Variants in WDR25 observed in about 807,000 individuals in gnomAD.
The protein encoded by WDR25 is WD repeat domain 25.
Under a neutral mutation model 47.7 loss-of-function variants are expected in WDR25, and 35 were observed. The observed-to-expected ratio is 0.73, with a 90% CI of 0.56 to 0.97. The LOEUF is 0.97. Ranked by LOEUF, WDR25 falls within the 50% of genes least tolerant of loss-of-function variation. WDR25 has a pLI of 0.00. For synonymous variants in WDR25, 248 were observed against 278.9 expected (o/e 0.89, Z 1.10); for missense variants, 634 against 704.7 (o/e 0.90, Z 1.14).
At chr14:100,519,938 A>AG (rs1233722352) in intron 4 of WDR25, among the ~76,000 whole-genome samples, 1 of 144,344 alleles carries the variant, frequency 6.9e-6, no homozygotes, top group Non-Finnish European at 1.5e-5. Flanking sequence ...TATATACACT[A>AG]TAGTATAAAT....
chr14:100,459,987 C>A (rs1899350179), intron 2 of WDR25, among the ~76,000 whole-genome samples: 1 of 138,426 alleles, frequency 7.2e-6, no homozygotes, highest in Non-Finnish European at 1.6e-5. Context: ...TCTAGAATAG[C>A]AAAGAAGGGG....
chr14:100,433,132 T>C (rs1033597388), intron 2 of WDR25, among the ~76,000 whole-genome samples: 3 of 152,276 alleles, frequency 2.0e-5, no homozygotes, highest in African/African-American at 7.2e-5. Flanking sequence ...ATTGATATTT[T>C]GTCAACTGTC....
chr14:100,442,336 G>A (rs1328757855), intron 2 of WDR25, among the ~76,000 whole-genome samples: 1 of 152,240 alleles, frequency 6.6e-6, no homozygotes, highest in African/African-American at 2.4e-5. Context: ...GTAGATGGTG[G>A]TGTACCAGAG....
intron 2 of WDR25, among the ~76,000 whole-genome samples, chr14:100,431,573 G>C (rs531119691): frequency 6.6e-6 from 1 of 150,834 alleles, no homozygotes; most frequent in Non-Finnish European, 1.5e-5. Flanking sequence ...TTGAGACAGA[G>C]TCTTGCTCTG....
intron 2 of WDR25, among the ~76,000 whole-genome samples, chr14:100,400,726 T>C (rs1285179189): frequency 1.3e-5 from 2 of 152,250 alleles, no homozygotes; most frequent in African/African-American, 4.8e-5. Context: ...GGGGTCTTTT[T>C]GTTTTCATAA....
chr14:100,405,254 C>T (rs1411203675), intron 2 of WDR25, among the ~76,000 whole-genome samples: 2 of 151,988 alleles, frequency 1.3e-5, no homozygotes, highest in African/African-American at 4.8e-5. Context: ...CTCTGCCTCC[C>T]GGGTTCAAAG....
At chr14:100,460,636 A>T (rs1214601905) in intron 2 of WDR25, among the ~76,000 whole-genome samples, 2 of 152,156 alleles carry the variant, frequency 1.3e-5, no homozygotes, top group African/African-American at 2.4e-5. Flanking sequence ...AATATCCAAC[A>T]TTCATTAGTG....
chr14:100,471,595 G>T (rs1899835572), intron 3 of WDR25, among the ~76,000 whole-genome samples: 1 of 152,084 alleles, frequency 6.6e-6, no homozygotes, highest in South Asian at 2.1e-4. Flanking sequence ...AATCTAATTA[G>T]GGCTCCCTGC....
chr14:100,420,046 G>C (rs1897982081), intron 2 of WDR25, among the ~76,000 whole-genome samples: 1 of 152,242 alleles, frequency 6.6e-6, no homozygotes, highest in Non-Finnish European at 1.5e-5. Context: ...GGCCCACCTG[G>C]TGGTCAGTCT....
At chr14:100,510,769 A>AT (rs891848662) in intron 4 of WDR25, among the ~76,000 whole-genome samples, 3,285 of 142,936 alleles carry the variant, frequency 0.023, 113 homozygotes, top group African/African-American at 0.069. Flanking sequence ...AATAATGTAA[A>AT]TTTTTTTTTT....
chr14:100,428,368 C>T lies in WDR25; in HGVS notation c.823-39653C>T, dbSNP rs1209145495. On this transcript the variant is annotated intron_variant, in intron 2 of 6. Transcript: ENST00000402312. The surrounding 1 kb of genome is among the most constrained non-coding windows in gnomAD (Gnocchi z 4.3). ...GTGTGTGTAGCGAGCCTGGTCAGAG[C>T]ATGGCGTCTGGAGTCAGGCGGCCTG... 6.6e-6 allele frequency among the ~76,000 whole-genome samples: 1 copy of T among 152,200 alleles called. No homozygotes were observed. Among genetic ancestry groups the T allele is most frequent in the East Asian group, 1.9e-4 (1 of 5,194 alleles).
intron 4 of WDR25, among the ~76,000 whole-genome samples, chr14:100,485,292 G>A (rs1486063729): frequency 1.3e-5 from 2 of 151,984 alleles, no homozygotes; most frequent in Admixed American, 1.3e-4. Flanking sequence ...TCTCTCCATA[G>A]CATTTACCAT....
chr14:100,421,464 C>G (rs1186567253), intron 2 of WDR25, among the ~76,000 whole-genome samples: 1 of 152,150 alleles, frequency 6.6e-6, no homozygotes, highest in African/African-American at 2.4e-5. Context: ...CACTGTTACC[C>G]TTGTGTCAAC....
In WDR25 at chr14:100,468,778, G is replaced by T. The variant is rs1463729857; in HGVS notation, c.970+610G>T. 9.9e-5 allele frequency among the ~76,000 whole-genome samples: 15 copies of T among 152,056 alleles called. No homozygotes were observed. Among genetic ancestry groups the T allele is most frequent in the African/African-American group, 3.6e-4 (15 of 41,412 alleles). ...ATACCCACCGCAGCCACAGCCCCCAGGTGGGCTCTCTCCGGGGTTTACAGT... is the reference window on the plus strand; with the variant it reads ...ATACCCACCGCAGCCACAGCCCCCATGTGGGCTCTCTCCGGGGTTTACAGT... On this transcript the variant is annotated intron_variant, in intron 3 of 6. Coordinates refer to ENST00000402312, the MANE Select transcript of WDR25 (RefSeq NM_001161476.3). This position sits in a 1 kb window ranked among gnomAD's most constrained non-coding sequence, Gnocchi z 4.5.
chr14:100,405,238 C>T (rs555936655), intron 2 of WDR25, among the ~76,000 whole-genome samples: 2 of 150,172 alleles, frequency 1.3e-5, no homozygotes, highest in East Asian at 1.9e-4. Flanking sequence ...CTCAGCTCAC[C>T]GCAGCCTCTG....
At chr14:100,489,468 TA>T (rs1214811699) in intron 4 of WDR25, among the ~76,000 whole-genome samples, 1 of 152,222 alleles carries the variant, frequency 6.6e-6, no homozygotes, top group Non-Finnish European at 1.5e-5. Context: ...GGATAAGTAA[TA>T]AAAATAAATT....
intron 4 of WDR25, among the ~76,000 whole-genome samples, chr14:100,501,652 G>A (rs551890688): frequency 6.6e-6 from 1 of 152,274 alleles, no homozygotes; most frequent in Non-Finnish European, 1.5e-5. Context: ...CCTAAAATGG[G>A]AACTTAGGAG....
At position 100,499,177 on chromosome 14, in the gene WDR25, C is replaced by T. The variant is rs112863827; in HGVS notation, c.1101+15053C>T. Among the ~76,000 whole-genome samples, 305 of 152,322 alleles carry T rather than the reference C, an allele frequency of 2.0e-3. 2 individuals are homozygous for T. The highest frequency in any genetic ancestry group is 7.2e-3 in the African/African-American group (301 of 41,564). On this transcript the variant is annotated intron_variant, in intron 4 of 6. Transcript: ENST00000402312. The surrounding 1 kb of genome is among the most constrained non-coding windows in gnomAD (Gnocchi z 4.4). ...TCAACCCAGCCATAACCACCACTGA[C>T]AGTTGGTATCCTTCATTCAATTGTT...
At chr14:100,517,686 A>T (rs1294345245) in intron 4 of WDR25, among the ~76,000 whole-genome samples, 7 of 152,154 alleles carry the variant, frequency 4.6e-5, no homozygotes, top group African/African-American at 1.7e-4. Flanking sequence ...TCTACTAAAA[A>T]TACAAAAATT....
Sources: allele counts gnomAD v4.1 joint callset (sites outside exome capture counted in the v4.1 genomes callset), GRCh38; gene constraint gnomAD v4.1.1; non-coding constraint Gnocchi (gnomAD v3.1); transcripts MANE v1.5; gene names NCBI Gene and HGNC (gene_info 2026-07-23, HGNC 2026-07-21).